INTS6L: variants seen among roughly 807,000 people sequenced by gnomAD.
INTS6L encodes the protein integrator complex subunit 6 like.
Under a neutral mutation model 64.7 loss-of-function variants are expected in INTS6L, and 18 were observed. The observed-to-expected ratio is 0.28, with a 90% CI of 0.19 to 0.41. The LOEUF (loss-of-function observed/expected upper bound fraction) is 0.41. Ranked by LOEUF, INTS6L falls within the 10% of genes least tolerant of loss-of-function variation. The pLI is 1.00. For missense variants in INTS6L, 533 were observed against 661.0 expected, an observed-to-expected ratio of 0.81 and a Z score of 2.12; for synonymous variants, 227 against 235.9, an observed-to-expected ratio of 0.96 and a Z score of 0.34.
chrX:135,571,450 A>T (rs782119371), intron 11 of INTS6L: 1 of 111,715 alleles, frequency 9.0e-6, no homozygotes, highest in African/African-American at 3.3e-5. Context: ...TGAGCAAAAC[A>T]TCAGATTTCA....
In INTS6L at chrX:135,545,625, G is replaced by A. The variant is rs782092395; in HGVS notation, c.339+53G>A. 1.5e-5 allele frequency: 17 copies of A among 1,116,360 alleles called. No individual in the cohort carries two copies. The African/African-American group carries it at 3.0e-4, about 20-fold the overall frequency. The allele number at this position is 1,116,360 out of a possible 1,213,427, so 92.0% of individuals were successfully genotyped here. A position where few individuals can be genotyped will look rare whatever the true frequency, so the allele number is the denominator to read the frequency against. On this transcript the variant is annotated intron_variant, in intron 3 of 17. Coordinates refer to ENST00000639893, the MANE Select transcript of INTS6L (RefSeq NM_001351601.3). ...AATTTATTTTGGTGGCTTGGGGTAA[G>A]AATTTAAAATTGGGCATGATTACTA... is the stretch of plus-strand genomic sequence containing the variant.
At position 135,579,000 on chromosome X, in the gene INTS6L, G is replaced by A. The variant is rs182403475; in HGVS notation, c.2120-788G>A. The stretch of plus-strand genomic sequence containing the variant: ...GGCCTCTGTCACCTTCTCCTAACAC[G>A]GGAGCCCCTGGGGCTCCCTCTGCTG... On this transcript the variant is annotated intron_variant, in intron 15 of 17. Coordinates refer to ENST00000639893, the MANE Select transcript of INTS6L (RefSeq NM_001351601.3). Among the ~76,000 whole-genome samples the A allele has an allele frequency of 2.4e-3, 266 of 111,072 alleles. 1 individual carries two copies. The highest frequency in any genetic ancestry group is 4.4e-3 in the Non-Finnish European group (233 of 52,914).
At chrX:135,570,361 T>C in intron 10 of INTS6L, 75 bp from the exon 11 acceptor site, 1 of 934,590 alleles carries the variant, frequency 1.1e-6, no homozygotes. Flanking sequence ...CATGTCCCTT[T>C]GCCCCTTATA....
Position 135,556,292 on chromosome X carries a change from C to T in INTS6L, c.1184C>T (p.Pro395Leu). The change falls in exon 9 of 18, where the codon CCT (proline) becomes CTT (leucine). Residue 395 changes from proline to leucine, a missense_variant. Coordinates refer to ENST00000639893, the MANE Select transcript of INTS6L (RefSeq NM_001351601.3). Reference protein sequence around the residue: ...VMPYNYPVLLPLLDDLFKVHK... With the variant: ...VMPYNYPVLLLLLDDLFKVHK... ...CCTTACAACTACCCAGTTTTACTTC[C>T]TCTTTTAGGTAAGTAAAACATGTGC... 1.7e-6 allele frequency: 2 copies of T among 1,168,031 alleles called. No individual in the cohort carries two copies. Among genetic ancestry groups the T allele is most frequent in the Non-Finnish European group, 1.1e-6 (1 of 876,545 alleles).
intron 3 of INTS6L, among the ~76,000 whole-genome samples, chrX:135,546,004 C>T (rs2086344347): frequency 8.9e-6 from 1 of 112,132 alleles, no homozygotes; most frequent in East Asian, 2.8e-4. Context: ...CTCCAGGTTG[C>T]AGCACGCAAG....
In INTS6L at chrX:135,579,984, T is replaced by C. The variant is rs1569514670; in HGVS notation, c.2316T>C (p.Ser772=). Residue 772 remains serine, a synonymous_variant, in exon 16 of 18, where the codon AGT becomes AGC. Transcript: ENST00000639893. ...SKDGLIQKPG[S]NAFVGGAKNC... is the part of the protein sequence containing the mutation. ...ATGGGCTGATTCAAAAACCTGGTAG[T>C]AACGCATTTGTAGGAGGAGCCAAAA... 8.3e-7 allele frequency: 1 copy of C among 1,211,896 alleles called. No homozygotes were observed. Among genetic ancestry groups the C allele is most frequent in the East Asian group, 3.0e-5 (1 of 33,847 alleles).
chrX:135,573,144 G>C (rs2087135303), intron 12 of INTS6L, 111 bp downstream of exon 12: 2 of 635,195 alleles, frequency 3.1e-6, no homozygotes, highest in South Asian at 6.1e-5. Flanking sequence ...GGAGTTAGTA[G>C]TTAATAATGG....
intron 13 of INTS6L, among the ~76,000 whole-genome samples, chrX:135,574,460 T>C (rs2087171298): frequency 8.9e-6 from 1 of 111,878 alleles, no homozygotes; most frequent in Non-Finnish European, 1.9e-5. Flanking sequence ...ACACTAACAC[T>C]CAGCCTACTG....
chrX:135,555,741 C>T (rs1602941040), intron 8 of INTS6L, among the ~76,000 whole-genome samples: 1 of 111,308 alleles, frequency 9.0e-6, no homozygotes, highest in Admixed American at 9.5e-5. Context: ...CAGGGTGGAG[C>T]GCAGTGGCAC....
chrX:135,576,885 T>G (rs1003692204), intron 14 of INTS6L, among the ~76,000 whole-genome samples: 10 of 112,383 alleles, frequency 8.9e-5, no homozygotes, highest in African/African-American at 3.2e-4. Context: ...TGATTAATCA[T>G]TATTGTAGTA....
intron 9 of INTS6L, among the ~76,000 whole-genome samples, chrX:135,561,094 G>T: frequency 9.4e-6 from 1 of 106,912 alleles, no homozygotes; most frequent in East Asian, 3.1e-4. Flanking sequence ...CTGGATTACA[G>T]GCATGTACCA....
At chrX:135,543,090 C>T (rs1556513463) in intron 2 of INTS6L, among the ~76,000 whole-genome samples, 1 of 111,587 alleles carries the variant, frequency 9.0e-6, no homozygotes, top group African/African-American at 3.3e-5. Flanking sequence ...GCTCTTTCAG[C>T]AGTCTCCAAA....
At chrX:135,566,366 G>A (rs932226183) in intron 9 of INTS6L, among the ~76,000 whole-genome samples, 2 of 111,866 alleles carry the variant, frequency 1.8e-5, no homozygotes, top group South Asian at 3.7e-4. Flanking sequence ...AGTAGCTCTC[G>A]AAGGCACTGC....
At chrX:135,534,996 A>G (rs1157923589) in intron 2 of INTS6L, among the ~76,000 whole-genome samples, 1 of 111,355 alleles carries the variant, frequency 9.0e-6, no homozygotes, top group Non-Finnish European at 1.9e-5. Context: ...GTAATTTTAA[A>G]GCTACACTAT....
At chrX:135,570,644 A>G in intron 11 of INTS6L, 98 bp downstream of exon 11, 1 of 933,825 alleles carries the variant, frequency 1.1e-6, no homozygotes, top group South Asian at 2.6e-5. Flanking sequence ...TTAAATGTGT[A>G]TATATCTCTA....
rs2087358467 is a variant in INTS6L at position 135,581,043 on chromosome X, T to A, written c.2495-7T>A. 1.8e-6 allele frequency: 2 copies of A among 1,121,963 alleles called. No individual in the cohort carries two copies. The highest frequency in any genetic ancestry group is 4.5e-5 in the South Asian group (2 of 43,995). The allele number at this position is 1,121,963 out of a possible 1,213,427, so 92.5% of individuals were successfully genotyped here. ...AAAAATACTGAAGTTTTTTTAAATA[T>A]CTTCAGAATATGAAAGAATTTTCAT... On this transcript the variant is annotated splice_region_variant and splice_polypyrimidine_tract_variant and intron_variant, in intron 16 of 17. Transcript: ENST00000639893.
At chrX:135,549,072 C>T (rs782209572) in intron 6 of INTS6L, among the ~76,000 whole-genome samples, 1 of 112,267 alleles carries the variant, frequency 8.9e-6, no homozygotes, top group Admixed American at 9.4e-5. Context: ...CAACTATATA[C>T]ACATTGTCTG....
At chrX:135,521,129 G>A in intron 1 of INTS6L, 26 bp downstream of exon 1, 1 of 1,193,955 alleles carries the variant, frequency 8.4e-7, no homozygotes, top group Non-Finnish European at 1.1e-6. Flanking sequence ...GGGAGAGATG[G>A]GGAGAGCTCC....
At chrX:135,563,631 G>GTATATA (rs1168090208) in intron 9 of INTS6L, among the ~76,000 whole-genome samples, 57 of 8,060 alleles carry the variant, frequency 7.1e-3, no homozygotes, top group East Asian at 0.03. Flanking sequence ...GTGTGTGTGT[G>GTATATA]TGTATATATA....
Sources: gnomAD v4.1 joint callset for allele counts (sites outside exome capture counted in the v4.1 genomes callset) on GRCh38, gnomAD v4.1.1 for gene constraint, MANE v1.5 for transcripts, NCBI Gene and HGNC (gene_info 2026-07-23, HGNC 2026-07-21) for gene names.